Variants in PNLIPRP1 observed in about 807,000 individuals in gnomAD.
PNLIPRP1 encodes the protein pancreatic lipase related protein 1.
PNLIPRP1 carries 57 observed loss-of-function variants against 54.6 expected under a neutral mutation model. The observed-to-expected ratio is 1.04, with a 90% CI of 0.84 to 1.30. The LOEUF is 1.30. Among genes scored for constraint, PNLIPRP1 ranks in the 50% most tolerant of loss-of-function variants. The pLI, the probability that PNLIPRP1 is intolerant of heterozygous loss-of-function variation, is 0.00. For missense variants in PNLIPRP1, 567 were observed against 568.5 expected (o/e 1.00, Z 0.03); for synonymous variants, 232 against 208.8 (o/e 1.11, Z -0.96).
intron 8 of PNLIPRP1, 60 bp from the exon 9 acceptor site, chr10:116,599,987 G>A (rs1328059035): frequency 9.9e-7 from 1 of 1,014,888 alleles, no homozygotes; most frequent in African/African-American, 1.6e-5. Context: ...GGAGAGAGAG[G>A]CAGAGAAGCT....
At chr10:116,597,710 C>T in intron 6 of PNLIPRP1, 118 bp from the exon 7 acceptor site, 15 of 1,160,066 alleles carry the variant, frequency 1.3e-5, no homozygotes, top group Non-Finnish European at 1.6e-5. Flanking sequence ...CACTGCATCA[C>T]TCTGGTGCAT....
chr10:116,608,972 C>T (rs1554865911), intron 12 of PNLIPRP1, 81 bp from the exon 13 acceptor site: 1 of 1,153,328 alleles, frequency 8.7e-7, no homozygotes, highest in Middle Eastern at 1.9e-4. Context: ...CAAACCAAAC[C>T]AAACCAAACC....
chr10:116,602,937 A>G (rs1283215052), intron 10 of PNLIPRP1, among the ~76,000 whole-genome samples: 1 of 32,322 alleles, frequency 3.1e-5, no homozygotes, highest in Non-Finnish European at 9.9e-5. Flanking sequence ...GTTTGTGTAG[A>G]TGTATGTGTG....
In PNLIPRP1 at chr10:116,595,019, C is replaced by T. The variant is rs112880872; in HGVS notation, c.465+155C>T. 684 of 867,018 alleles carry T rather than the reference C, an allele frequency of 7.9e-4. 5 individuals carry two copies. In the African/African-American group the frequency reaches 9.9e-3, roughly 13 times the overall value. 53.7% of individuals were successfully genotyped at this position (867,018 alleles called of 1,614,324 possible). On this transcript the variant is annotated intron_variant, in intron 5 of 12. Transcript: ENST00000358834. ...TCTGAAATTTGCCTTCATAATGACA[C>T]GCCAGTGGAAGCAAAAATAAGAATC...
intron 5 of PNLIPRP1, 104 bp downstream of exon 5, chr10:116,594,968 T>G (rs1554863761): frequency 2.6e-5 from 36 of 1,361,698 alleles, no homozygotes; most frequent in Non-Finnish European, 3.1e-5. Context: ...GACAAAGAAT[T>G]GATATCCAGA....
intron 6 of PNLIPRP1, among the ~76,000 whole-genome samples, chr10:116,596,832 A>G (rs1189446519): frequency 6.6e-6 from 1 of 152,218 alleles, no homozygotes; most frequent in Non-Finnish European, 1.5e-5. Flanking sequence ...TAACAGCAAC[A>G]GCAAGATATA....
At chr10:116,608,639 G>A (rs1847975979) in intron 12 of PNLIPRP1, among the ~76,000 whole-genome samples, 1 of 152,244 alleles carries the variant, frequency 6.6e-6, no homozygotes, top group Admixed American at 6.5e-5. Flanking sequence ...GAATTAAGCA[G>A]CATAATTGGC....
chr10:116,607,770 T>C (rs985842496), intron 12 of PNLIPRP1, among the ~76,000 whole-genome samples: 1 of 152,206 alleles, frequency 6.6e-6, no homozygotes, highest in Non-Finnish European at 1.5e-5. Flanking sequence ...AATAACTGCT[T>C]ACATCTGCAT....
chr10:116,594,311 TCCAGCAG>T, intron 4 of PNLIPRP1: 1 of 513,936 alleles, frequency 1.9e-6, no homozygotes, highest in Non-Finnish European at 3.9e-6. Flanking sequence ...TCTCTCACTT[TCCAGCAG>T]CCTGGGGCAT....
chr10:116,599,197 G>A (rs1554864397), intron 8 of PNLIPRP1, among the ~76,000 whole-genome samples: 1 of 151,306 alleles, frequency 6.6e-6, no homozygotes, highest in Non-Finnish European at 1.5e-5. Context: ...AAAGGTTGCA[G>A]TGAGCCGAGA....
At position 116,592,054 on chromosome 10, in the gene PNLIPRP1, C is replaced by A. The variant is rs573984638; in HGVS notation, c.204+129C>A. On this transcript the variant is annotated intron_variant, in intron 3 of 12. Transcript: ENST00000358834. ...CCACCCCATCCCTCAAGCTGCCCCC[C>A]AGACCTAGCTAGACCTAGACAGAGC... The A allele has an allele frequency of 6.3e-5, 61 of 972,354 alleles. 1 individual carries two copies. In the South Asian group the frequency reaches 7.7e-4, roughly 12 times the overall value. 60.2% of individuals were successfully genotyped at this position (972,354 alleles called of 1,614,324 possible).
chr10:116,602,502 G>A (rs970185333), intron 10 of PNLIPRP1, among the ~76,000 whole-genome samples: 2 of 152,164 alleles, frequency 1.3e-5, no homozygotes, highest in Admixed American at 6.5e-5. Flanking sequence ...ATGCAGGGAC[G>A]AACAAGAGAC....
chr10:116,595,024 G>A, intron 5 of PNLIPRP1, 160 bp downstream of exon 5: 1 of 802,030 alleles, frequency 1.2e-6, no homozygotes, highest in Admixed American at 2.9e-5. Flanking sequence ...TGACACGCCA[G>A]TGGAAGCAAA....
intron 5 of PNLIPRP1, 50 bp downstream of exon 5, chr10:116,594,914 C>T (rs1554863752): frequency 6.2e-7 from 1 of 1,601,788 alleles, no homozygotes; most frequent in African/African-American, 1.3e-5. Flanking sequence ...GCCTGCTGGT[C>T]TCTGTTTGGT....
rs1442275254 is a variant in PNLIPRP1 at position 116,597,770 on chromosome 10, G to A, written c.575-58G>A. The A allele has an allele frequency of 1.9e-5, 30 of 1,608,998 alleles. No individual in the cohort carries two copies. In the South Asian group the frequency reaches 3.3e-4, roughly 18 times the overall value. On this transcript the variant is annotated intron_variant, in intron 6 of 12. Coordinates refer to ENST00000358834, the MANE Select transcript of PNLIPRP1 (RefSeq NM_006229.4). ...ATAGCCCGGGCAGCTGTACACCTTGGTGCTGCTGACATCTACAGTCAGGTC... is the reference window on the plus strand; with the variant it reads ...ATAGCCCGGGCAGCTGTACACCTTGATGCTGCTGACATCTACAGTCAGGTC...
intron 4 of PNLIPRP1, 194 bp downstream of exon 4, chr10:116,592,735 T>C (rs1847663746): frequency 1.4e-6 from 1 of 714,898 alleles, no homozygotes; most frequent in South Asian, 1.5e-5. Flanking sequence ...CCACATTTGC[T>C]GTTAGAAAAG....
chr10:116,602,231 G>C (rs1348508539), intron 10 of PNLIPRP1, among the ~76,000 whole-genome samples: 1 of 152,102 alleles, frequency 6.6e-6, no homozygotes, highest in Non-Finnish European at 1.5e-5. Flanking sequence ...ATGTTAGCCA[G>C]GATGGTCTCG....
chr10:116,608,750 G>A (rs540933554), intron 12 of PNLIPRP1, among the ~76,000 whole-genome samples: 1 of 152,336 alleles, frequency 6.6e-6, no homozygotes, highest in Admixed American at 6.5e-5. Flanking sequence ...GCCTATGGAG[G>A]CCGCCAGGCG....
rs782694061 is a variant in PNLIPRP1, at chr10:116,609,116, A to T, written c.1404A>T (p.Ter468TyrextTer12). ...CGCTGCTCACCCTCACGCCCTGCTA[A>T]GCTCCCGGGGCGACGAGGCTGCTGC... ...EDTLLTLTPC[*>Y] The change falls in exon 13 of 13, where the codon TAA (stop) becomes TAT (tyrosine). Residue 468 changes from the stop codon to tyrosine (Y), a stop_lost. Transcript: ENST00000358834. The T allele has an allele frequency of 1.9e-6, 3 of 1,608,140 alleles. No individual in the cohort carries two copies. The highest frequency in any genetic ancestry group is 2.6e-6 in the Non-Finnish European group (3 of 1,176,340).
Sources: gnomAD v4.1 joint callset for allele counts (sites outside exome capture counted in the v4.1 genomes callset) on GRCh38, gnomAD v4.1.1 for gene constraint, MANE v1.5 for transcripts, NCBI Gene and HGNC (gene_info 2026-07-23, HGNC 2026-07-21) for gene names.